Variants in ABCA12 observed in about 807,000 individuals in gnomAD.
The protein encoded by ABCA12 is glucosylceramide transporter ABCA12.
In ABCA12, 156 loss-of-function variants were observed where a neutral mutation model predicts 293.5. The observed-to-expected ratio is 0.53, with a 90% CI of 0.47 to 0.61. The LOEUF (loss-of-function observed/expected upper bound fraction) is 0.61. Ranked by LOEUF, ABCA12 falls within the 20% of genes least tolerant of loss-of-function variation. The probability of loss-of-function intolerance (pLI) is 0.00; values close to 1 mark genes in which losing one functional copy is unlikely to be tolerated. For missense variants in ABCA12, 2,797 were observed against 3,090.2 expected, an observed-to-expected ratio of 0.91 and a Z score of 2.25; for synonymous variants, 1,063 against 1,108.0, an observed-to-expected ratio of 0.96 and a Z score of 0.81.
chr2:215,038,168 A>T (rs888020975), intron 7 of ABCA12, among the ~76,000 whole-genome samples: 2 of 152,174 alleles, frequency 1.3e-5, no homozygotes, highest in African/African-American at 4.8e-5. Context: ...ATAAGGATAT[A>T]CATGTGGATA....
intron 15 of ABCA12, among the ~76,000 whole-genome samples, chr2:215,014,494 A>T (rs1412074491): frequency 6.6e-6 from 1 of 152,206 alleles, no homozygotes; most frequent in Non-Finnish European, 1.5e-5. Context: ...TGCAGATCAT[A>T]AGGCCCTTGT....
At chr2:215,117,383 A>G (rs1702708760) in intron 1 of ABCA12, among the ~76,000 whole-genome samples, 4 of 152,228 alleles carry the variant, frequency 2.6e-5, no homozygotes, top group Non-Finnish European at 5.9e-5. Context: ...TCATCAACTC[A>G]AAATTACAAG....
chr2:215,086,851 A>T (rs1204339552), intron 2 of ABCA12, among the ~76,000 whole-genome samples: 1 of 152,136 alleles, frequency 6.6e-6, no homozygotes. Context: ...TTCACTGTAA[A>T]CACACCAACT....
At chr2:215,138,090 C>A (rs1188065522) in intron 1 of ABCA12, 50 bp downstream of exon 1, 1 of 1,525,952 alleles carries the variant, frequency 6.6e-7, no homozygotes, top group Non-Finnish European at 9.1e-7. Context: ...TTTAGGATTA[C>A]CTGGCGTATT....
At chr2:215,030,586 A>T (rs1248437995) in intron 9 of ABCA12, among the ~76,000 whole-genome samples, 4 of 143,650 alleles carry the variant, frequency 2.8e-5, no homozygotes, top group Non-Finnish European at 6.1e-5. Flanking sequence ...CCTGGGCGAC[A>T]GAGCCAGACT....
intron 2 of ABCA12, chr2:215,080,778 A>G (rs1701921456): frequency 6.5e-6 from 1 of 153,114 alleles, no homozygotes; most frequent in Admixed American, 6.5e-5. Flanking sequence ...AGGCCGCTCC[A>G]TTGGGAAGTC....
chr2:215,126,587 G>A (rs902807811), intron 1 of ABCA12, among the ~76,000 whole-genome samples: 12 of 152,034 alleles, frequency 7.9e-5, no homozygotes, highest in Admixed American at 7.9e-4. Context: ...TTTATGTGCA[G>A]AAAGGTGTTC....
rs192487198 is a variant in ABCA12 at position 215,128,585 on chromosome 2, A to G, written c.69+9555T>C. Among the ~76,000 whole-genome samples the G allele has an allele frequency of 8.6e-5, 13 of 152,012 alleles. No individual in the cohort carries two copies. In the East Asian group the frequency reaches 2.5e-3, roughly 29 times the overall value. ...AATTTCTTTCTTCTTGTTCAATTCC[A>G]TTGTTGAGACTTTCCAGAGCACTTT... On this transcript the variant is annotated intron_variant, in intron 1 of 52. Transcript: ENST00000272895.
rs554702602 is a variant in ABCA12 at position 215,089,933 on chromosome 2, GAT to G, written c.163+21662_163+21663del. On this transcript the variant is annotated intron_variant, in intron 2 of 52. Transcript: ENST00000272895. Reference sequence around the variant, plus strand: ...TAATTTTTACCTCCAGTAGCAACATGATATGTGTCAGGCCTCTGAGCCCAAGC... The same window carrying G: ...TAATTTTTACCTCCAGTAGCAACATGATGTGTCAGGCCTCTGAGCCCAAGC... Among the ~76,000 whole-genome samples the G allele has an allele frequency of 3.9e-5, 6 of 152,282 alleles. No individual in the cohort carries two copies. The South Asian group carries it at 1.2e-3, about 32-fold the overall frequency.
At chr2:215,082,123 C>T (rs1454677920) in intron 2 of ABCA12, among the ~76,000 whole-genome samples, 1 of 142,248 alleles carries the variant, frequency 7.0e-6, no homozygotes, top group Non-Finnish European at 1.5e-5. Flanking sequence ...CGGCTCACTG[C>T]AACCTCCACC....
At chr2:214,995,566 C>T (rs1396520426) in intron 23 of ABCA12, among the ~76,000 whole-genome samples, 2 of 152,170 alleles carry the variant, frequency 1.3e-5, no homozygotes, top group African/African-American at 4.8e-5. Context: ...CAAGTCACTT[C>T]TCACTTTCTG....
chr2:215,054,174 G>A (rs1172362398), intron 4 of ABCA12, among the ~76,000 whole-genome samples: 3 of 152,008 alleles, frequency 2.0e-5, no homozygotes, highest in African/African-American at 7.2e-5. Flanking sequence ...TAACTTTGTT[G>A]AGCCTCATAT....
chr2:215,051,609 AGTGTGTGTGTGTGTGT>A (rs3050094), intron 5 of ABCA12, among the ~76,000 whole-genome samples: 1 of 121,352 alleles, frequency 8.2e-6, no homozygotes, highest in Non-Finnish European at 1.8e-5. Context: ...TAAAAACGCT[AGTGTGTGTGTGTGTGT>A]GTGTGTGTGT....
chr2:214,996,170 G>A (rs1700028591), intron 23 of ABCA12, among the ~76,000 whole-genome samples: 1 of 152,104 alleles, frequency 6.6e-6, no homozygotes, highest in African/African-American at 2.4e-5. Flanking sequence ...CAAGTCTTTT[G>A]CATTTTCAGT....
At chr2:215,021,598 G>C (rs1156253170) in intron 11 of ABCA12, among the ~76,000 whole-genome samples, 1 of 152,074 alleles carries the variant, frequency 6.6e-6, no homozygotes, top group Admixed American at 6.6e-5. Flanking sequence ...AAATAAATTG[G>C]AACAACATCC....
At chr2:215,069,182 C>T (rs902691193) in intron 2 of ABCA12, among the ~76,000 whole-genome samples, 12 of 97,538 alleles carry the variant, frequency 1.2e-4, no homozygotes, top group African/African-American at 3.4e-4. Flanking sequence ...AAGGAAAATT[C>T]TGACTTTTAA....
At chr2:215,056,045 C>T (rs2106063048) in intron 3 of ABCA12, among the ~76,000 whole-genome samples, 1 of 151,950 alleles carries the variant, frequency 6.6e-6, no homozygotes, top group South Asian at 2.1e-4. Flanking sequence ...ATTTTGAAGA[C>T]AAAAGCAAAA....
intron 2 of ABCA12, among the ~76,000 whole-genome samples, chr2:215,072,127 C>T (rs6740580): frequency 1 from 152,172 of 152,322 alleles, 76,012 homozygotes; most frequent in Middle Eastern, 1. Context: ...GTACTCAAAA[C>T]GTTGGCACCT....
At chr2:214,969,741 T>G (rs1458546208) in intron 37 of ABCA12, among the ~76,000 whole-genome samples, 1 of 152,060 alleles carries the variant, frequency 6.6e-6, no homozygotes. Context: ...TAATCATGGA[T>G]ATATATTGAG....
Sources: allele counts gnomAD v4.1 joint callset (sites outside exome capture counted in the v4.1 genomes callset), GRCh38; gene constraint gnomAD v4.1.1; transcripts MANE v1.5; gene names NCBI Gene and HGNC (gene_info 2026-07-23, HGNC 2026-07-21).